The following GALNT10 variants were observed in gnomAD, a reference collection of about 807,000 sequenced individuals.
GALNT10 encodes GalNAc transferase 10.
GALNT10 carries 41 observed loss-of-function variants against 75.0 expected under a neutral mutation model. That is an observed-to-expected ratio of 0.55 (90% CI 0.43 to 0.71). GALNT10 has a LOEUF of 0.71. Among genes scored for constraint, GALNT10 ranks in the 30% least tolerant of loss-of-function variants. GALNT10 has a pLI of 0.00. For missense variants in GALNT10, 727 were observed against 818.5 expected (o/e 0.89, Z 1.36); for synonymous variants, 302 against 313.0 (o/e 0.96, Z 0.37).
intron 1 of GALNT10, among the ~76,000 whole-genome samples, chr5:154,222,998 C>G (rs1014673530): frequency 6.6e-6 from 1 of 152,114 alleles, no homozygotes; most frequent in African/African-American, 2.4e-5. Flanking sequence ...ATGTAGTAAA[C>G]CTTAAGAATC....
Position 154,195,150 on chromosome 5 carries a change from C to T in GALNT10, c.159+4125C>T, listed in dbSNP as rs775416663. Among the ~76,000 whole-genome samples, 3 of 152,208 alleles carry T rather than the reference C, an allele frequency of 2.0e-5. No individual in the cohort carries two copies. In the East Asian group the frequency reaches 5.8e-4, roughly 29 times the overall value. On this transcript the variant is annotated intron_variant, in intron 1 of 11. Transcript: ENST00000297107. ...TAACCATCTAGCTTGCTAATTGTAC[C>T]TTGTCCACAGTCAGCTCTTACACAG... is the stretch of plus-strand genomic sequence containing the variant.
rs550484540 is a variant in GALNT10 at position 154,414,419 on chromosome 5, A to C, written c.1504-1364A>C. Among the ~76,000 whole-genome samples the C allele has an allele frequency of 6.1e-4, 93 of 152,378 alleles. 1 individual carries two copies. In the South Asian group the frequency reaches 0.018, roughly 29 times the overall value. ...CAATAACAAGCGATGAATTATTGAT[A>C]AATGCTGTTAGGACATAGATGATTC... On this transcript the variant is annotated intron_variant, in intron 10 of 11. Coordinates refer to ENST00000297107, the MANE Select transcript of GALNT10 (RefSeq NM_198321.4).
chr5:154,384,840 C>T lies in GALNT10; in HGVS notation c.939-1473C>T, dbSNP rs1008194199. 2.6e-5 allele frequency among the ~76,000 whole-genome samples: 4 copies of T among 152,230 alleles called. No individual in the cohort carries two copies. The East Asian group carries it at 7.7e-4, about 29-fold the overall frequency. On this transcript the variant is annotated intron_variant, in intron 6 of 11. Transcript: ENST00000297107. ...AGCCATGGGGCCTTGAGCAAGTTCC[C>T]TGTCTGCACTCCAGTTTTACATGTG...
At chr5:154,375,993 C>G (rs1305254598) in intron 4 of GALNT10, among the ~76,000 whole-genome samples, 1 of 152,170 alleles carries the variant, frequency 6.6e-6, no homozygotes, top group Non-Finnish European at 1.5e-5. Context: ...GGAATGGTTC[C>G]CAGTCAGGCA....
At chr5:154,398,177 T>G (rs745578779) in intron 7 of GALNT10, among the ~76,000 whole-genome samples, 2 of 152,202 alleles carry the variant, frequency 1.3e-5, no homozygotes, top group Non-Finnish European at 2.9e-5. Context: ...TAGCAGGATA[T>G]GTTTGGGAAC....
chr5:154,329,326 A>G (rs1053709445), intron 3 of GALNT10: 3 of 475,714 alleles, frequency 6.3e-6, no homozygotes, highest in Admixed American at 6.4e-5. Flanking sequence ...ACATGAAATC[A>G]CAACTATTCA....
chr5:154,351,530 C>T (rs1481804719), intron 4 of GALNT10, among the ~76,000 whole-genome samples: 1 of 152,164 alleles, frequency 6.6e-6, no homozygotes, highest in Non-Finnish European at 1.5e-5. Context: ...GAAAAAATAT[C>T]CAACATAGTA....
chr5:154,381,478 T>TTC (rs1755734012), intron 6 of GALNT10, among the ~76,000 whole-genome samples: 1 of 152,222 alleles, frequency 6.6e-6, no homozygotes, highest in South Asian at 2.1e-4. Context: ...AAAAGATCTC[T>TTC]GGATACAAAG....
chr5:154,253,308 C>T (rs1033811686), intron 1 of GALNT10, among the ~76,000 whole-genome samples: 3 of 147,432 alleles, frequency 2.0e-5, no homozygotes, highest in African/African-American at 5.0e-5. Flanking sequence ...AACCAAACAC[C>T]GCATATTCTC....
chr5:154,407,905 T>G (rs955283135), intron 8 of GALNT10, among the ~76,000 whole-genome samples: 1 of 152,198 alleles, frequency 6.6e-6, no homozygotes, highest in African/African-American at 2.4e-5. Flanking sequence ...ATGGGGGAAC[T>G]GGTGAATTTT....
rs529218521 is a variant in GALNT10, at chr5:154,222,866, T to C, written c.159+31841T>C. Among the ~76,000 whole-genome samples the C allele has an allele frequency of 2.0e-3, 307 of 152,368 alleles. 2 individuals carry two copies. Among genetic ancestry groups the C allele is most frequent in the African/African-American group, 7.0e-3 (290 of 41,584 alleles). On this transcript the variant is annotated intron_variant, in intron 1 of 11. Coordinates refer to ENST00000297107, the MANE Select transcript of GALNT10 (RefSeq NM_198321.4). The stretch of plus-strand genomic sequence containing the variant: ...AGTCTTTTGTCTAATATATGTTTTG[T>C]GAATATATTCTCCCAATCTGTGGCT...
At chr5:154,215,199 T>C (rs1752846477) in intron 1 of GALNT10, among the ~76,000 whole-genome samples, 1 of 152,212 alleles carries the variant, frequency 6.6e-6, no homozygotes, top group African/African-American at 2.4e-5. Context: ...AGGTGTTATC[T>C]AGCCTGGGCG....
intron 2 of GALNT10, among the ~76,000 whole-genome samples, chr5:154,297,380 G>A (rs1394808666): frequency 6.6e-6 from 1 of 152,240 alleles, no homozygotes; most frequent in Non-Finnish European, 1.5e-5. Context: ...TACTTATAAA[G>A]TTTGCCTTAT....
At chr5:154,224,812 G>C (rs961554446) in intron 1 of GALNT10, among the ~76,000 whole-genome samples, 1 of 130,922 alleles carries the variant, frequency 7.6e-6, no homozygotes, top group African/African-American at 2.8e-5. Context: ...ATGGAGTCTC[G>C]CTCTGTCTCC....
intron 1 of GALNT10, among the ~76,000 whole-genome samples, chr5:154,208,237 C>T (rs981234521): frequency 5.3e-5 from 8 of 152,168 alleles, no homozygotes; most frequent in Non-Finnish European, 1.2e-4. Context: ...CCTTGAGGAC[C>T]AGGTGGCCCA....
At chr5:154,225,744 T>C (rs202239374) in intron 1 of GALNT10, among the ~76,000 whole-genome samples, 1 of 147,110 alleles carries the variant, frequency 6.8e-6, no homozygotes, top group Non-Finnish European at 1.5e-5. Flanking sequence ...TGCCATCTTC[T>C]TTTGGATTTT....
rs751063124 is a variant in GALNT10 at position 154,412,874 on chromosome 5, C to T, written c.1387-15C>T. The T allele has an allele frequency of 3.1e-6, 5 of 1,589,136 alleles. No individual in the cohort carries two copies. Among genetic ancestry groups the T allele is most frequent in the Non-Finnish European group, 4.3e-6 (5 of 1,157,496 alleles). On this transcript the variant is annotated splice_polypyrimidine_tract_variant and intron_variant, in intron 9 of 11. Transcript: ENST00000297107. The surrounding 1 kb of genome is among the most constrained non-coding windows in gnomAD (Gnocchi z 4.2). The stretch of plus-strand genomic sequence containing the variant: ...GGCACCTCAGTGGTCCACTTCTTCC[C>T]TCTTTCCCTTTCAGATCCGAAATGT...
At chr5:154,397,020 G>A (rs973463250) in intron 7 of GALNT10, among the ~76,000 whole-genome samples, 2 of 151,710 alleles carry the variant, frequency 1.3e-5, no homozygotes, top group African/African-American at 2.4e-5. Flanking sequence ...CCAGCTACTC[G>A]GGAGGCTGAG....
chr5:154,266,307 C>A (rs529552256), intron 1 of GALNT10, among the ~76,000 whole-genome samples: 20 of 152,108 alleles, frequency 1.3e-4, no homozygotes, highest in African/African-American at 4.6e-4. Context: ...AGATTTCAGG[C>A]ACATGCATTG....
Sources: allele counts gnomAD v4.1 joint callset (sites outside exome capture counted in the v4.1 genomes callset), GRCh38; gene constraint gnomAD v4.1.1; non-coding constraint Gnocchi (gnomAD v3.1); transcripts MANE v1.5; gene names NCBI Gene and HGNC (gene_info 2026-07-23, HGNC 2026-07-21).